The following SPHKAP variants were observed in gnomAD, a reference collection of about 807,000 sequenced individuals.
SPHKAP encodes the protein A-kinase anchor protein SPHKAP.
In SPHKAP, 67 loss-of-function variants were observed where a neutral mutation model predicts 137.5. The ratio of observed to expected loss-of-function variants is 0.49; its 90% CI spans 0.40 to 0.60. The LOEUF (loss-of-function observed/expected upper bound fraction) is 0.60. SPHKAP is among the 20% of genes least tolerant of loss of function. The pLI is 0.00. For missense variants in SPHKAP, 2,097 were observed against 2,069.3 expected (o/e 1.01, Z -0.26); for synonymous variants, 813 against 785.3 (o/e 1.04, Z -0.59).
chr2:228,009,058 C>G (rs1694257193), intron 7 of SPHKAP, among the ~76,000 whole-genome samples: 1 of 152,154 alleles, frequency 6.6e-6, no homozygotes. Flanking sequence ...ATAGATTCAA[C>G]TGGGAAGAAC....
intron 3 of SPHKAP, among the ~76,000 whole-genome samples, chr2:228,087,501 C>CT (rs1336042631): frequency 6.6e-6 from 1 of 151,714 alleles, no homozygotes; most frequent in African/African-American, 2.4e-5. Context: ...AAAATAGCTG[C>CT]TACAAATATG....
chr2:228,024,048 G>A (rs1055609709), intron 5 of SPHKAP, among the ~76,000 whole-genome samples: 9 of 152,192 alleles, frequency 5.9e-5, no homozygotes, highest in African/African-American at 1.9e-4. Context: ...AAACAGGAAA[G>A]AGGCCACAAG....
intron 1 of SPHKAP, among the ~76,000 whole-genome samples, chr2:228,139,330 A>G (rs1209844381): frequency 6.6e-6 from 1 of 152,176 alleles, no homozygotes; most frequent in Non-Finnish European, 1.5e-5. Flanking sequence ...TAAAATGTGA[A>G]ATCTCTTCTT....
rs775471042 is a variant in SPHKAP, at chr2:228,017,221, G to A, written c.3633C>T (p.Ser1211=). The change falls in exon 7 of 12, where the codon TCC becomes TCT. Residue 1211 remains serine, a synonymous_variant. Transcript: ENST00000392056. ...DIERDSRESA[S]SRRSSQDWTA... ...TCCAATCCTGGCTGCTCCGTCTGGA[G>A]GAGGCACTTTCTCTGCTGTCTCTTT... 6.4e-5 allele frequency: 103 copies of A among 1,613,878 alleles called. No homozygotes were observed. The highest frequency in any genetic ancestry group is 2.0e-4 in the Admixed American group (12 of 59,996).
intron 3 of SPHKAP, among the ~76,000 whole-genome samples, chr2:228,103,866 C>T (rs1698250245): frequency 1.3e-5 from 2 of 152,130 alleles, no homozygotes; most frequent in Admixed American, 1.3e-4. Context: ...TATGTATTTA[C>T]ATTCCACACT....
intron 1 of SPHKAP, among the ~76,000 whole-genome samples, chr2:228,178,882 C>A (rs550660605): frequency 6.6e-6 from 1 of 151,238 alleles, no homozygotes; most frequent in South Asian, 2.1e-4. Flanking sequence ...TTAGAGTTTT[C>A]ACAGAAGGAA....
At chr2:228,128,574 T>C (rs1484889891) in intron 2 of SPHKAP, among the ~76,000 whole-genome samples, 3 of 152,218 alleles carry the variant, frequency 2.0e-5, no homozygotes, top group African/African-American at 7.2e-5. Context: ...GTAAATCCTT[T>C]CTAGAAGATT....
intron 7 of SPHKAP, among the ~76,000 whole-genome samples, chr2:228,012,277 CCTTG>C (rs1308794341): frequency 6.6e-6 from 1 of 151,094 alleles, no homozygotes; most frequent in Non-Finnish European, 1.5e-5. Flanking sequence ...TGCTTGTCTT[CCTTG>C]CTTGTCTTCC....
intron 3 of SPHKAP, among the ~76,000 whole-genome samples, chr2:228,095,062 G>GA (rs1697937041): frequency 6.6e-6 from 1 of 152,164 alleles, no homozygotes; most frequent in Non-Finnish European, 1.5e-5. Context: ...GGGTGAGGGA[G>GA]AAAGTGTGTT....
At chr2:228,034,653 C>A (rs1695507413) in intron 3 of SPHKAP, among the ~76,000 whole-genome samples, 1 of 152,168 alleles carries the variant, frequency 6.6e-6, no homozygotes, top group Admixed American at 6.5e-5. Flanking sequence ...CAAACCGAAT[C>A]CAGCAGCACA....
intron 1 of SPHKAP, among the ~76,000 whole-genome samples, chr2:228,136,048 G>A (rs953755014): frequency 2.0e-5 from 3 of 152,118 alleles, no homozygotes; most frequent in South Asian, 2.1e-4. Flanking sequence ...GATGCTGTCC[G>A]TGATCTCTAG....
intron 1 of SPHKAP, among the ~76,000 whole-genome samples, chr2:228,163,490 A>G (rs1378505563): frequency 2.0e-5 from 3 of 152,276 alleles, no homozygotes; most frequent in East Asian, 3.9e-4. Flanking sequence ...CCTCCTCCTC[A>G]TCTTATCTGC....
intron 3 of SPHKAP, among the ~76,000 whole-genome samples, chr2:228,089,060 G>A (rs914770332): frequency 1.3e-5 from 2 of 152,198 alleles, no homozygotes; most frequent in African/African-American, 2.4e-5. Flanking sequence ...AAAGTTGAGA[G>A]GGCTCAGAAG....
chr2:228,132,280 G>C (rs966039906), intron 1 of SPHKAP, among the ~76,000 whole-genome samples, 195 bp from the exon 2 acceptor site: 1 of 152,116 alleles, frequency 6.6e-6, no homozygotes, highest in African/African-American at 2.4e-5. Context: ...CACTACAGAC[G>C]ATCCTACTGT....
At chr2:228,151,679 A>T (rs545714819) in intron 1 of SPHKAP, among the ~76,000 whole-genome samples, 7 of 152,040 alleles carry the variant, frequency 4.6e-5, no homozygotes, top group East Asian at 1.9e-4. Flanking sequence ...GTTTAAAAAA[A>T]TTTTTTTGTA....
intron 7 of SPHKAP, among the ~76,000 whole-genome samples, chr2:228,001,338 A>T (rs1693863268): frequency 7.0e-6 from 1 of 142,998 alleles, no homozygotes; most frequent in African/African-American, 2.6e-5. Flanking sequence ...TACATATATA[A>T]ATATATATAC....
At chr2:228,015,091 C>T (rs1694523983) in intron 7 of SPHKAP, among the ~76,000 whole-genome samples, 1 of 135,608 alleles carries the variant, frequency 7.4e-6, no homozygotes, top group Non-Finnish European at 1.6e-5. Flanking sequence ...CCACAACAGT[C>T]CCCAGAGTGT....
intron 3 of SPHKAP, among the ~76,000 whole-genome samples, chr2:228,100,810 T>C (rs1698163253): frequency 6.6e-6 from 1 of 152,124 alleles, no homozygotes; most frequent in Non-Finnish European, 1.5e-5. Context: ...TTTGTTGTTG[T>C]TGTTGTTGTG....
intron 7 of SPHKAP, among the ~76,000 whole-genome samples, chr2:228,014,995 G>A (rs557698446): frequency 6.6e-5 from 10 of 151,532 alleles, no homozygotes; most frequent in Admixed American, 1.3e-4. Flanking sequence ...ATGTATACAC[G>A]TGCCATGCTG....
Sources: gnomAD v4.1 joint callset for allele counts (sites outside exome capture counted in the v4.1 genomes callset) on GRCh38, gnomAD v4.1.1 for gene constraint, MANE v1.5 for transcripts, NCBI Gene and HGNC (gene_info 2026-07-23, HGNC 2026-07-21) for gene names.